The following LPP variants were observed in gnomAD, a reference collection of about 807,000 sequenced individuals.
LPP encodes lipoma-preferred partner.
LPP carries 38 observed loss-of-function variants against 60.4 expected under a neutral mutation model. The ratio of observed to expected loss-of-function variants is 0.63; its 90% CI spans 0.49 to 0.83. LPP has a LOEUF of 0.83. Among genes scored for constraint, LPP ranks in the 40% least tolerant of loss-of-function variants. LPP has a pLI of 0.00. For synonymous variants in LPP, 328 were observed against 290.8 expected (o/e 1.13, Z -1.30); for missense variants, 902 against 783.6 (o/e 1.15, Z -1.80).
At chr3:188,853,381 G>A (rs997723938) in intron 9 of LPP, among the ~76,000 whole-genome samples, 1 of 152,220 alleles carries the variant, frequency 6.6e-6, no homozygotes, top group African/African-American at 2.4e-5. Flanking sequence ...TGCTGTGAAA[G>A]AACAGAAGAG....
At chr3:188,554,901 A>T (rs1244743357) in intron 6 of LPP, among the ~76,000 whole-genome samples, 1 of 152,172 alleles carries the variant, frequency 6.6e-6, no homozygotes, top group African/African-American at 2.4e-5. Flanking sequence ...ATTTTCTTAA[A>T]AGAGTTTATA....
chr3:188,651,092 ATT>A (rs1439550534), intron 7 of LPP, among the ~76,000 whole-genome samples: 1 of 152,254 alleles, frequency 6.6e-6, no homozygotes, highest in Non-Finnish European at 1.5e-5. Context: ...ATGTAGAACA[ATT>A]AAAAAGAAAA....
chr3:188,348,893 CG>C (rs1765110205), intron 3 of LPP, among the ~76,000 whole-genome samples: 1 of 149,886 alleles, frequency 6.7e-6, no homozygotes, highest in Non-Finnish European at 1.5e-5. Context: ...GTCCGGGGGG[CG>C]GGGATGCTGT....
intron 4 of LPP, among the ~76,000 whole-genome samples, chr3:188,412,940 T>C (rs934539608): frequency 6.6e-6 from 1 of 152,158 alleles, no homozygotes; most frequent in African/African-American, 2.4e-5. Context: ...GGGGCTGAAT[T>C]GATCCAGAAC....
chr3:188,639,225 A>G (rs1849523205), intron 7 of LPP, among the ~76,000 whole-genome samples: 1 of 152,116 alleles, frequency 6.6e-6, no homozygotes, highest in South Asian at 2.1e-4. Flanking sequence ...ATCTACAACC[A>G]TCTGATCTTT....
intron 7 of LPP, among the ~76,000 whole-genome samples, chr3:188,674,253 A>G (rs114638175): frequency 0.011 from 1,644 of 152,278 alleles, 15 homozygotes; most frequent in Middle Eastern, 0.051. Context: ...AAAAGCTCCT[A>G]CCTTTGACTT....
At position 188,250,776 on chromosome 3, in the gene LPP, T is replaced by TCTG. The variant is rs1560158583; in HGVS notation, c.-67+25249_-67+25250insCTG. On this transcript the variant is annotated intron_variant, in intron 2 of 11. Transcript: ENST00000617246. Reference sequence around the variant, plus strand: ...TTTCTTTCTTTCTTTCTTTCTTTCTTTCTTTCTTTCTGTCTTTCTCTTTCT... The same window carrying TCTG: ...TTTCTTTCTTTCTTTCTTTCTTTCTTCTGTCTTTCTTTCTGTCTTTCTCTTTCT... 5.3e-3 allele frequency among the ~76,000 whole-genome samples: 645 copies of TCTG among 121,838 alleles called. 8 individuals carry two copies. The highest frequency in any genetic ancestry group is 7.9e-3 in the Non-Finnish European group (452 of 57,494). 79.9% of individuals were successfully genotyped at this position (121,838 alleles called of 152,430 possible).
chr3:188,580,526 G>A (rs1320314846), intron 6 of LPP, among the ~76,000 whole-genome samples: 1 of 152,140 alleles, frequency 6.6e-6, no homozygotes, highest in Non-Finnish European at 1.5e-5. Context: ...AGGTCCTTAT[G>A]AAAATTCACT....
At chr3:188,395,048 T>A (rs1475741936) in intron 3 of LPP, among the ~76,000 whole-genome samples, 1 of 152,194 alleles carries the variant, frequency 6.6e-6, no homozygotes, top group Non-Finnish European at 1.5e-5. Flanking sequence ...AAATTATATT[T>A]CAGAGTATAT....
chr3:188,753,039 A>C (rs1340132700), intron 8 of LPP, among the ~76,000 whole-genome samples: 1 of 152,184 alleles, frequency 6.6e-6, no homozygotes, highest in African/African-American at 2.4e-5. Flanking sequence ...CAATACTGAT[A>C]TAGGTCAGAG....
chr3:188,224,465 C>G (rs1716972443), intron 1 of LPP, among the ~76,000 whole-genome samples: 1 of 152,116 alleles, frequency 6.6e-6, no homozygotes, highest in South Asian at 2.1e-4. Flanking sequence ...ATTAGCAAAA[C>G]AATAATAGTT....
At chr3:188,815,736 A>G (rs545143351) in intron 9 of LPP, among the ~76,000 whole-genome samples, 1 of 152,316 alleles carries the variant, frequency 6.6e-6, no homozygotes, top group East Asian at 1.9e-4. Context: ...TTCCAATGGC[A>G]TTGTTACAGG....
chr3:188,508,706 G>T (rs914169284), intron 5 of LPP, among the ~76,000 whole-genome samples: 1 of 152,204 alleles, frequency 6.6e-6, no homozygotes, highest in African/African-American at 2.4e-5. Context: ...TTCTCTGTTG[G>T]CACTGCGGGT....
intron 5 of LPP, 32 bp from the exon 6 acceptor site, chr3:188,524,633 C>T (rs756957951): frequency 6.3e-7 from 1 of 1,582,278 alleles, no homozygotes; most frequent in South Asian, 1.1e-5. Flanking sequence ...GGGAAATTTC[C>T]TTTGTTAACA....
intron 5 of LPP, among the ~76,000 whole-genome samples, chr3:188,488,843 T>C (rs1274434426): frequency 6.6e-6 from 1 of 152,030 alleles, no homozygotes; most frequent in Admixed American, 6.6e-5. Flanking sequence ...TTCACTATAT[T>C]GGCCAGGTTG....
chr3:188,400,387 T>A (rs1242179201), intron 3 of LPP, among the ~76,000 whole-genome samples: 1 of 152,210 alleles, frequency 6.6e-6, no homozygotes, highest in Non-Finnish European at 1.5e-5. Flanking sequence ...TTTCTTGATT[T>A]GCTAGATGTG....
intron 9 of LPP, 119 bp downstream of exon 9, chr3:188,760,401 G>C (rs1731791026): frequency 1.2e-6 from 1 of 847,512 alleles, no homozygotes; most frequent in Admixed American, 2.3e-5. Context: ...TTCAAAATGT[G>C]TGTGTGGGGT....
chr3:188,655,001 A>G (rs1222924962), intron 7 of LPP, among the ~76,000 whole-genome samples: 1 of 152,250 alleles, frequency 6.6e-6, no homozygotes, highest in Non-Finnish European at 1.5e-5. Flanking sequence ...TATATGGAAC[A>G]AACATATGTG....
In LPP at chr3:188,539,659, AC is replaced by A. The variant is rs534410624; in HGVS notation, c.429+14873del. Among the ~76,000 whole-genome samples the A allele has an allele frequency of 5.9e-5, 9 of 152,324 alleles. No homozygotes were observed. In the East Asian group the frequency reaches 1.7e-3, roughly 29 times the overall value. On this transcript the variant is annotated intron_variant, in intron 6 of 11. Transcript: ENST00000617246. ...AATCTCAGTGTTCTGAGTTGATAACACATTTCAGAGTTGACATGAGGACCAC... is the reference window on the plus strand; with the variant it reads ...AATCTCAGTGTTCTGAGTTGATAACAATTTCAGAGTTGACATGAGGACCAC...
Sources: allele counts gnomAD v4.1 joint callset (sites outside exome capture counted in the v4.1 genomes callset), GRCh38; gene constraint gnomAD v4.1.1; transcripts MANE v1.5; gene names NCBI Gene and HGNC (gene_info 2026-07-23, HGNC 2026-07-21).